LRMDA: variants seen among roughly 807,000 people sequenced by gnomAD.
LRMDA encodes leucine-rich melanocyte differentiation-associated protein.
A neutral mutation model predicts 29.8 loss-of-function variants in LRMDA; 18 were observed. That is an observed-to-expected ratio of 0.60 (90% CI 0.42 to 0.90). The LOEUF (loss-of-function observed/expected upper bound fraction) is 0.90. Ranked by LOEUF, LRMDA falls within the 40% of genes least tolerant of loss-of-function variation. The pLI is 0.00. For synonymous variants in LRMDA, 125 were observed against 109.4 expected, an observed-to-expected ratio of 1.14 and a Z score of -0.89; for missense variants, 273 against 273.9, an observed-to-expected ratio of 1.00 and a Z score of 0.02.
At chr10:75,555,584 C>CA (rs1331933794) in intron 2 of LRMDA, among the ~76,000 whole-genome samples, 2 of 152,142 alleles carry the variant, frequency 1.3e-5, no homozygotes, top group African/African-American at 4.8e-5. Flanking sequence ...TTAGGGGAGA[C>CA]AGTGTTTTGC....
At chr10:76,014,634 G>A (rs189185302) in intron 2 of LRMDA, among the ~76,000 whole-genome samples, 3 of 152,322 alleles carry the variant, frequency 2.0e-5, no homozygotes, top group Admixed American at 1.3e-4. Flanking sequence ...ACTCAAAAAT[G>A]CTTTAACATA....
At chr10:75,803,491 G>A (rs1312959250) in intron 2 of LRMDA, among the ~76,000 whole-genome samples, 1 of 152,196 alleles carries the variant, frequency 6.6e-6, no homozygotes, top group Non-Finnish European at 1.5e-5. Flanking sequence ...GAGTAGCATG[G>A]ATCCAGACCG....
intron 5 of LRMDA, among the ~76,000 whole-genome samples, chr10:76,237,230 T>C (rs1852168690): frequency 6.6e-6 from 1 of 152,140 alleles, no homozygotes; most frequent in Non-Finnish European, 1.5e-5. Flanking sequence ...AAGTTCCCCA[T>C]AAACATTACT....
Position 76,150,013 on chromosome 10 carries a change from A to G in LRMDA, c.516+91230A>G, listed in dbSNP as rs140915821. 1.5e-4 allele frequency among the ~76,000 whole-genome samples: 23 copies of G among 152,314 alleles called. No homozygotes were observed. In the East Asian group the frequency reaches 3.9e-3, roughly 26 times the overall value. On this transcript the variant is annotated intron_variant, in intron 5 of 6. Coordinates refer to ENST00000611255, the MANE Select transcript of LRMDA (RefSeq NM_001305581.2). The stretch of plus-strand genomic sequence containing the variant: ...GGTTTGGCCATTTGCTGCTTCCCAC[A>G]GGCTCATCTCTAGCCAGAAGCTCAA...
chr10:76,440,768 C>T (rs1218185992), intron 6 of LRMDA, among the ~76,000 whole-genome samples: 1 of 152,128 alleles, frequency 6.6e-6, no homozygotes, highest in Non-Finnish European at 1.5e-5. Flanking sequence ...CCCGTAGTCT[C>T]ATAATGGGAA....
At chr10:76,050,045 A>T (rs1451246111) in intron 4 of LRMDA, among the ~76,000 whole-genome samples, 1 of 152,224 alleles carries the variant, frequency 6.6e-6, no homozygotes. Context: ...GTCTGAAAAA[A>T]ATTCTTATTG....
chr10:75,838,056 G>C (rs771389391), intron 2 of LRMDA, among the ~76,000 whole-genome samples: 15 of 152,042 alleles, frequency 9.9e-5, no homozygotes, highest in Non-Finnish European at 1.8e-4. Context: ...ATGACTAAAG[G>C]GGCATTTTAA....
chr10:76,060,638 T>G (rs1848689283), intron 5 of LRMDA, among the ~76,000 whole-genome samples: 1 of 152,168 alleles, frequency 6.6e-6, no homozygotes, highest in African/African-American at 2.4e-5. Flanking sequence ...TGTGGATCTC[T>G]TTGTTCAAAC....
intron 5 of LRMDA, among the ~76,000 whole-genome samples, chr10:76,322,097 G>T (rs1840778355): frequency 6.6e-6 from 1 of 152,146 alleles, no homozygotes; most frequent in African/African-American, 2.4e-5. Context: ...TTCTATTACT[G>T]CATACTCAAT....
intron 5 of LRMDA, among the ~76,000 whole-genome samples, chr10:76,118,918 C>T (rs1357436819): frequency 1.4e-5 from 2 of 144,136 alleles, no homozygotes; most frequent in Non-Finnish European, 3.0e-5. Context: ...GAAGGTCTCC[C>T]TGGTGCCCTG....
intron 5 of LRMDA, among the ~76,000 whole-genome samples, chr10:76,223,761 G>C (rs1165428772): frequency 3.9e-5 from 6 of 152,112 alleles, no homozygotes; most frequent in Non-Finnish European, 8.8e-5. Flanking sequence ...AATTCCTATT[G>C]TTTCAGCCAC....
At chr10:75,858,153 G>A (rs913755834) in intron 2 of LRMDA, among the ~76,000 whole-genome samples, 12 of 152,224 alleles carry the variant, frequency 7.9e-5, no homozygotes, top group Non-Finnish European at 1.3e-4. Flanking sequence ...AGGCCCCCCC[G>A]TACCAGCCCA....
intron 2 of LRMDA, among the ~76,000 whole-genome samples, chr10:75,616,781 A>G (rs576542328): frequency 1.7e-4 from 26 of 152,174 alleles, no homozygotes; most frequent in Non-Finnish European, 3.7e-4. Flanking sequence ...AAATCTGAAC[A>G]CCTGACCCAT....
At chr10:76,370,520 T>C (rs760450603) in intron 6 of LRMDA, among the ~76,000 whole-genome samples, 3 of 152,186 alleles carry the variant, frequency 2.0e-5, no homozygotes, top group Non-Finnish European at 2.9e-5. Context: ...ATAGCATATA[T>C]TGTAGGCTCC....
At chr10:75,975,931 C>T (rs1847061818) in intron 2 of LRMDA, among the ~76,000 whole-genome samples, 1 of 152,230 alleles carries the variant, frequency 6.6e-6, no homozygotes, top group Admixed American at 6.5e-5. Context: ...GCCACCATTA[C>T]ATATTTCTGG....
chr10:75,890,997 G>T (rs186697011), intron 2 of LRMDA, among the ~76,000 whole-genome samples: 2 of 152,162 alleles, frequency 1.3e-5, no homozygotes, highest in African/African-American at 4.8e-5. Context: ...CCAGCTACTC[G>T]GGAGGCTGAG....
intron 6 of LRMDA, among the ~76,000 whole-genome samples, chr10:76,435,627 G>T (rs531240267): frequency 6.6e-6 from 1 of 152,268 alleles, no homozygotes; most frequent in African/African-American, 2.4e-5. Flanking sequence ...TGCCTTCTGG[G>T]TTGGGAGAAG....
At chr10:76,412,443 T>G (rs985482734) in intron 6 of LRMDA, among the ~76,000 whole-genome samples, 1 of 152,202 alleles carries the variant, frequency 6.6e-6, no homozygotes, top group African/African-American at 2.4e-5. Flanking sequence ...TACTGTGGCT[T>G]TTTGTAGCAC....
rs117928771 is a variant in LRMDA at position 75,953,242 on chromosome 10, G to A, written c.132-82766G>A. On this transcript the variant is annotated intron_variant, in intron 2 of 6. Coordinates refer to ENST00000611255, the MANE Select transcript of LRMDA (RefSeq NM_001305581.2). ...CACACACCACCATGCCCAGCTAATC[G>A]GTTTTTAAAATTTTTTATAGAGATA... is the stretch of plus-strand genomic sequence containing the variant. Among the ~76,000 whole-genome samples, 839 of 151,952 alleles carry A rather than the reference G, an allele frequency of 5.5e-3. 33 individuals carry two copies. In the East Asian group the frequency reaches 0.13, roughly 23 times the overall value.
Sources: gnomAD v4.1 joint callset for allele counts (sites outside exome capture counted in the v4.1 genomes callset) on GRCh38, gnomAD v4.1.1 for gene constraint, MANE v1.5 for transcripts, NCBI Gene and HGNC (gene_info 2026-07-23, HGNC 2026-07-21) for gene names.